RBMS3: variants seen among roughly 807,000 people sequenced by gnomAD.
The protein encoded by RBMS3 is RNA binding motif single stranded interacting protein 3, also known as RNA-binding motif, single-stranded-interacting protein 3.
In RBMS3, 27 loss-of-function variants were observed where a neutral mutation model predicts 66.8. That is an observed-to-expected ratio of 0.40 (90% CI 0.30 to 0.56). The LOEUF is 0.56. RBMS3 is among the 20% of genes least tolerant of loss of function. The pLI is 0.40. For synonymous variants in RBMS3, 188 were observed against 183.0 expected (o/e 1.03, Z -0.22); for missense variants, 513 against 549.5 (o/e 0.93, Z 0.66).
intron 4 of RBMS3, among the ~76,000 whole-genome samples, chr3:29,609,520 G>A (rs113659327): frequency 1.1e-4 from 17 of 151,936 alleles, no homozygotes; most frequent in African/African-American, 4.1e-4. Flanking sequence ...AACAGGTATG[G>A]GTGGAAGTAT....
chr3:29,731,224 G>C (rs1350866607), intron 4 of RBMS3, among the ~76,000 whole-genome samples: 1 of 152,214 alleles, frequency 6.6e-6, no homozygotes, highest in Admixed American at 6.5e-5. Flanking sequence ...TGAACTTGAG[G>C]ACATGAACTC....
chr3:29,868,426 C>T (rs1266713415), intron 6 of RBMS3, among the ~76,000 whole-genome samples: 1 of 152,154 alleles, frequency 6.6e-6, no homozygotes, highest in Non-Finnish European at 1.5e-5. Flanking sequence ...AGCAAAATGT[C>T]TCTCTTTTGA....
chr3:29,869,046 A>G (rs1278682823), intron 7 of RBMS3, 82 bp downstream of exon 7: 6 of 1,168,728 alleles, frequency 5.1e-6, no homozygotes, highest in Non-Finnish European at 6.0e-6. Flanking sequence ...GTATGGTGCC[A>G]TGATGAAATT....
Position 29,938,806 on chromosome 3 carries a change from T to C in RBMS3, c.1050+2610T>C, listed in dbSNP as rs186435513. 1.4e-4 allele frequency among the ~76,000 whole-genome samples: 21 copies of C among 152,140 alleles called. No homozygotes were observed. In the East Asian group the frequency reaches 3.5e-3, roughly 25 times the overall value. On this transcript the variant is annotated intron_variant, in intron 11 of 14. Coordinates refer to ENST00000383767, the MANE Select transcript of RBMS3 (RefSeq NM_001003793.3). ...TAAACTTGAGTTCAAAACCTGACTT[T>C]GTTCCCTTATTAGCTCTGCATGTTT...
chr3:29,680,894 C>G (rs1272614894), intron 4 of RBMS3, among the ~76,000 whole-genome samples: 2 of 152,144 alleles, frequency 1.3e-5, no homozygotes, highest in Non-Finnish European at 2.9e-5. Flanking sequence ...CTTAAGTATG[C>G]TGTTTAATGA....
At chr3:29,917,572 T>C (rs889598071) in intron 10 of RBMS3, among the ~76,000 whole-genome samples, 2 of 152,044 alleles carry the variant, frequency 1.3e-5, no homozygotes, top group Non-Finnish European at 2.9e-5. Context: ...CCATACATTC[T>C]ATTAAAGAAA....
chr3:29,691,215 A>G (rs1201507436), intron 4 of RBMS3, among the ~76,000 whole-genome samples: 1 of 152,220 alleles, frequency 6.6e-6, no homozygotes, highest in Non-Finnish European at 1.5e-5. Flanking sequence ...TTCTTGAGGT[A>G]TAAGTTCTTG....
intron 1 of RBMS3, among the ~76,000 whole-genome samples, chr3:29,410,945 A>G (rs2040240535): frequency 1.4e-5 from 2 of 144,552 alleles, no homozygotes; most frequent in Non-Finnish European, 3.0e-5. Context: ...AAATGACTTC[A>G]TGATTCCTAT....
intron 1 of RBMS3, among the ~76,000 whole-genome samples, chr3:29,340,319 G>A (rs940599435): frequency 2.0e-5 from 3 of 152,072 alleles, no homozygotes; most frequent in African/African-American, 7.2e-5. Flanking sequence ...CATGAAGCTG[G>A]CCTTGTCTTC....
chr3:29,366,554 A>AT lies in RBMS3; in HGVS notation c.76-68178dup, dbSNP rs10541842. ...AGCCACCAGGCTGAGCTAATTTTTAATTTTTTTTTTTGTAAAGACATGGTC... is the reference window on the plus strand; with the variant it reads ...AGCCACCAGGCTGAGCTAATTTTTAATTTTTTTTTTTTGTAAAGACATGGTC... On this transcript the variant is annotated intron_variant, in intron 1 of 14. Transcript: ENST00000383767. Among the ~76,000 whole-genome samples, 1,466 of 150,704 alleles carry AT rather than the reference A, an allele frequency of 9.7e-3. 6 individuals carry two copies. Among genetic ancestry groups the AT allele is most frequent in the African/African-American group, 0.011 (469 of 41,014 alleles).
intron 3 of RBMS3, among the ~76,000 whole-genome samples, chr3:29,567,429 G>T (rs566623208): frequency 6.6e-6 from 1 of 152,266 alleles, no homozygotes; most frequent in South Asian, 2.1e-4. Flanking sequence ...CTGATTTAAT[G>T]AAATGCTTGT....
At chr3:29,533,658 T>G (rs1026814455) in intron 3 of RBMS3, among the ~76,000 whole-genome samples, 3 of 152,176 alleles carry the variant, frequency 2.0e-5, no homozygotes, top group Admixed American at 6.5e-5. Flanking sequence ...ATGCCTGTAG[T>G]CCCAGGTACT....
At chr3:29,700,830 G>A (rs1425417166) in intron 4 of RBMS3, among the ~76,000 whole-genome samples, 5 of 143,530 alleles carry the variant, frequency 3.5e-5, no homozygotes, top group African/African-American at 1.3e-4. Context: ...AAGTAATCTG[G>A]TTAGAGGACA....
chr3:29,926,322 A>G (rs1376398173), intron 10 of RBMS3, among the ~76,000 whole-genome samples: 2 of 152,174 alleles, frequency 1.3e-5, no homozygotes, highest in Non-Finnish European at 2.9e-5. Context: ...AAATTCCTAA[A>G]AATATCTTAA....
intron 6 of RBMS3, among the ~76,000 whole-genome samples, chr3:29,849,005 GTTTA>G (rs1426492332): frequency 6.6e-6 from 1 of 152,036 alleles, no homozygotes; most frequent in Non-Finnish European, 1.5e-5. Flanking sequence ...ATATTTTTGT[GTTTA>G]TTAATATCTT....
chr3:29,915,677 T>C (rs982862075), intron 10 of RBMS3, among the ~76,000 whole-genome samples: 7 of 151,920 alleles, frequency 4.6e-5, no homozygotes, highest in African/African-American at 1.7e-4. Flanking sequence ...TGACAGACAA[T>C]CAGCAGGAGG....
At chr3:29,318,086 G>A (rs2034795670) in intron 1 of RBMS3, among the ~76,000 whole-genome samples, 1 of 151,314 alleles carries the variant, frequency 6.6e-6, no homozygotes, top group Non-Finnish European at 1.5e-5. Flanking sequence ...CTTTTCTATT[G>A]TCCTGCAAGT....
At chr3:29,360,531 G>A (rs572780463) in intron 1 of RBMS3, among the ~76,000 whole-genome samples, 15 of 152,110 alleles carry the variant, frequency 9.9e-5, no homozygotes, top group Non-Finnish European at 1.6e-4. Context: ...CTGTTGATTT[G>A]GGGTGAAGAG....
intron 3 of RBMS3, among the ~76,000 whole-genome samples, chr3:29,582,279 C>G (rs2047360339): frequency 6.6e-6 from 1 of 152,148 alleles, no homozygotes; most frequent in Admixed American, 6.5e-5. Flanking sequence ...AATTAACACA[C>G]AGGGTTTAAA....
Sources: allele counts gnomAD v4.1 joint callset (sites outside exome capture counted in the v4.1 genomes callset), GRCh38; gene constraint gnomAD v4.1.1; transcripts MANE v1.5; gene names NCBI Gene and HGNC (gene_info 2026-07-23, HGNC 2026-07-21).